Variants in NCAPD3 observed in about 807,000 individuals in gnomAD.
NCAPD3 encodes condensin-2 complex subunit D3.
In NCAPD3, 105 loss-of-function variants were observed where a neutral mutation model predicts 182.9. The ratio of observed to expected loss-of-function variants is 0.57; its 90% confidence interval spans 0.49 to 0.68. The LOEUF (loss-of-function observed/expected upper bound fraction) is 0.68, where lower values mean the gene tolerates loss of function less well. Ranked by LOEUF, NCAPD3 falls within the 30% of genes least tolerant of loss-of-function variation. The pLI is 0.00. For missense variants in NCAPD3, 1,944 were observed against 1,837.0 expected (o/e 1.06, Z -1.07); for synonymous variants, 815 against 679.9 (o/e 1.20, Z -3.09).
Position 134,157,277 on chromosome 11 carries a change from C to T in NCAPD3, c.4175-182G>A, listed in dbSNP as rs138066651. The stretch of plus-strand genomic sequence containing the variant: ...AATGATAAACATGAGAAAAAATGTC[C>T]ATTCTCATTAGGATTCAAAAAAATA... On this transcript the variant is annotated intron_variant, in intron 31 of 34. Transcript: ENST00000534548. 4.1e-4 allele frequency among the ~76,000 whole-genome samples: 62 copies of T among 152,170 alleles called. No individual in the cohort carries two copies. In the East Asian group the frequency reaches 0.01, roughly 25 times the overall value.
intron 13 of NCAPD3, among the ~76,000 whole-genome samples, chr11:134,202,417 G>A (rs770060075): frequency 2.6e-5 from 4 of 152,076 alleles, no homozygotes; most frequent in Non-Finnish European, 4.4e-5. Flanking sequence ...ACAGACTGTC[G>A]CCCAGGCTGG....
chr11:134,168,070 G>T lies in NCAPD3; in HGVS notation c.3499C>A (p.Leu1167Ile). The stretch of plus-strand genomic sequence containing the variant: ...GCCATGTCATCTTCTTCCATAAGGA[G>T]GTCTTTGTCTGGTTTAGATCTCATT... ...LAMRSKPDKDLLMEEDDMALA... is the reference protein window; with the variant it reads ...LAMRSKPDKDILMEEDDMALA... Residue 1167 changes from leucine (L) to isoleucine (I), a missense_variant, in exon 27 of 35, where the codon CTC (leucine) becomes ATC (isoleucine). Around this residue, in one of 3 missense-constraint regions of NCAPD3, gnomAD observed 1,803 missense variants for 1,674.6 expected, o/e 1.08. Coordinates refer to ENST00000534548, the MANE Select transcript of NCAPD3 (RefSeq NM_015261.3). The T allele has an allele frequency of 6.2e-7, 1 of 1,614,166 alleles. No homozygotes were observed. The highest frequency in any genetic ancestry group is 8.5e-7 in the Non-Finnish European group (1 of 1,180,000).
chr11:134,160,474 T>A (rs1943546978), intron 28 of NCAPD3, among the ~76,000 whole-genome samples: 1 of 152,150 alleles, frequency 6.6e-6, no homozygotes, highest in South Asian at 2.1e-4. Context: ...AGACACAGCC[T>A]CTGGAGCAAG....
At position 134,161,886 on chromosome 11, in the gene NCAPD3, C is replaced by T; in HGVS notation, c.3579G>A (p.Gln1193=). ...TAATATTTTCTATGAAATTCCTCTT[C>T]TGAACCTGGTAACACAAACAAAGAC... ...EAQKKLISQV[Q]KRNFIENIIP... The change falls in exon 28 of 35, where the codon CAG becomes CAA. Residue 1193 remains glutamine (Q), a synonymous_variant. Coordinates refer to ENST00000534548, the MANE Select transcript of NCAPD3 (RefSeq NM_015261.3). 1 of 1,496,928 alleles carries T rather than the reference C, an allele frequency of 6.7e-7. No homozygotes were observed. The highest frequency in any genetic ancestry group is 9.2e-7 in the Non-Finnish European group (1 of 1,086,272). 92.7% of individuals were successfully genotyped at this position (1,496,928 alleles called of 1,614,324 possible). A position where few individuals can be genotyped will look rare whatever the true frequency, so the allele number is the denominator to read the frequency against.
chr11:134,168,376 AG>A (rs1943920763), intron 26 of NCAPD3, 92 bp downstream of exon 26: 1 of 1,563,176 alleles, frequency 6.4e-7, no homozygotes, highest in East Asian at 2.2e-5. Flanking sequence ...CTGCAGTGCC[AG>A]GGTCTCCCTT....
chr11:134,206,854 T>C, intron 7 of NCAPD3, 122 bp from the exon 8 acceptor site: 3 of 972,964 alleles, frequency 3.1e-6, no homozygotes, highest in Non-Finnish European at 4.5e-6. Context: ...CTGGCATAAT[T>C]GCTGGCTGAA....
rs1173958119 is a variant in NCAPD3 at position 134,152,309 on chromosome 11, A to ACAAT, written c.*631_*634dup. The stretch of plus-strand genomic sequence containing the variant: ...GGGCACAGATGAACTGCCCTTCAAG[A>ACAAT]CAATCATCTTTTTTCTAATAGGGAA... On this transcript the variant is annotated 3_prime_UTR_variant, in exon 35 of 35. Transcript: ENST00000534548. 3.3e-5 allele frequency: 5 copies of ACAAT among 152,224 alleles called. No individual in the cohort carries two copies. Among genetic ancestry groups the ACAAT allele is most frequent in the Admixed American group, 2.6e-4 (4 of 15,286 alleles). The allele number at this position is 152,224 out of a possible 1,614,324, so 9.4% of individuals were successfully genotyped here.
intron 24 of NCAPD3, among the ~76,000 whole-genome samples, chr11:134,171,179 C>T (rs1389516907): frequency 2.0e-5 from 3 of 152,122 alleles, no homozygotes; most frequent in Admixed American, 1.3e-4. Context: ...CCACTAGGAA[C>T]GCACATACCC....
In NCAPD3 at chr11:134,151,833, A is replaced by C. The variant is rs1943247009; in HGVS notation, c.*1111T>G. On this transcript the variant is annotated 3_prime_UTR_variant, in exon 35 of 35. Transcript: ENST00000534548. The stretch of plus-strand genomic sequence containing the variant: ...AGCATTTCAGTGGTTAGGCATGCAC[A>C]CTAAAAATGCTATCAATCACCCATC... The C allele has an allele frequency of 2.1e-5, 3 of 143,596 alleles. No individual in the cohort carries two copies. 8.9% of individuals were successfully genotyped at this position (143,596 alleles called of 1,614,324 possible). A position where few individuals can be genotyped will look rare whatever the true frequency, so the allele number is the denominator to read the frequency against.
chr11:134,160,894 C>G (rs555047931), intron 28 of NCAPD3, among the ~76,000 whole-genome samples: 213 of 151,672 alleles, frequency 1.4e-3, no homozygotes, highest in African/African-American at 4.9e-3. Flanking sequence ...AGGAGGAAGG[C>G]TTATTTTTCT....
intron 32 of NCAPD3, among the ~76,000 whole-genome samples, chr11:134,156,384 G>C (rs1193997860): frequency 6.6e-6 from 1 of 152,176 alleles, no homozygotes; most frequent in Non-Finnish European, 1.5e-5. Flanking sequence ...TTTAGGACAG[G>C]AAGCATTTCT....
chr11:134,206,299 A>G (rs1020808471), intron 8 of NCAPD3, among the ~76,000 whole-genome samples: 2 of 152,330 alleles, frequency 1.3e-5, no homozygotes, highest in African/African-American at 4.8e-5. Context: ...GACAAGGGAA[A>G]GGAGGAGAGG....
At chr11:134,214,184 C>A (rs535767587) in intron 3 of NCAPD3, among the ~76,000 whole-genome samples, 109 of 150,546 alleles carry the variant, frequency 7.2e-4, no homozygotes, top group Middle Eastern at 6.8e-3. Context: ...AAAAAAGGCA[C>A]AACTAAATAA....
At chr11:134,165,171 G>A (rs1943734603) in intron 27 of NCAPD3, among the ~76,000 whole-genome samples, 1 of 148,252 alleles carries the variant, frequency 6.7e-6, no homozygotes, top group African/African-American at 2.5e-5. Flanking sequence ...AGCTGAGGAG[G>A]AGCTGCACAC....
At chr11:134,191,576 G>C (rs554545754) in intron 16 of NCAPD3, among the ~76,000 whole-genome samples, 39 of 152,298 alleles carry the variant, frequency 2.6e-4, no homozygotes, top group African/African-American at 8.7e-4. Flanking sequence ...GGCCTCTCCT[G>C]CTTTTTTGCA....
At chr11:134,168,330 C>A in intron 26 of NCAPD3, 135 bp from the exon 27 acceptor site, 1 of 1,484,146 alleles carries the variant, frequency 6.7e-7, no homozygotes, top group Non-Finnish European at 9.3e-7. Context: ...TGGGGCACAG[C>A]TGATGCCAGA....
At chr11:134,212,064 CA>C (rs1937853348) in intron 3 of NCAPD3, among the ~76,000 whole-genome samples, 2 of 151,006 alleles carry the variant, frequency 1.3e-5, no homozygotes, top group Non-Finnish European at 3.0e-5. Context: ...CACCAAAAAG[CA>C]AAAAAAAGTT....
At chr11:134,161,742 G>A (rs1234261959) in intron 28 of NCAPD3, 39 bp downstream of exon 28, 18 of 1,217,118 alleles carry the variant, frequency 1.5e-5, no homozygotes, top group Non-Finnish European at 1.9e-5. Context: ...TAATGAACTG[G>A]TAGGACAACA....
chr11:134,157,151 A>G (rs1270048035), intron 31 of NCAPD3, 56 bp from the exon 32 acceptor site: 2 of 1,386,318 alleles, frequency 1.4e-6, no homozygotes. Flanking sequence ...AACGAAGAGC[A>G]AAACAACCAC....
Sources: allele counts gnomAD v4.1 joint callset (sites outside exome capture counted in the v4.1 genomes callset), GRCh38; gene constraint gnomAD v4.1.1; regional missense constraint gnomAD v4.1.1; transcripts MANE v1.5; gene names NCBI Gene and HGNC (gene_info 2026-07-23, HGNC 2026-07-21).